USP35: variants seen among roughly 807,000 people sequenced by gnomAD.
The protein encoded by USP35 is ubiquitin specific peptidase 35.
A neutral mutation model predicts 83.8 loss-of-function variants in USP35; 69 were observed. That is an observed-to-expected ratio of 0.82 (90% CI 0.68 to 1.01). The LOEUF (loss-of-function observed/expected upper bound fraction) is 1.01. Among genes scored for constraint, USP35 ranks in the 50% least tolerant of loss-of-function variants. The pLI, the probability that USP35 is intolerant of heterozygous loss-of-function variation, is 0.00. For missense variants in USP35, 1,503 were observed against 1,362.5 expected (o/e 1.10, Z -1.62); for synonymous variants, 714 against 589.5 (o/e 1.21, Z -3.06).
At chr11:78,197,042 G>A (rs1037180639) in intron 2 of USP35, 124 bp downstream of exon 2, 6 of 1,362,870 alleles carry the variant, frequency 4.4e-6, no homozygotes, top group Non-Finnish European at 5.7e-6. Context: ...GCCAGGCGGC[G>A]AATGCTCAGG....
chr11:78,197,070 C>A, intron 2 of USP35, 152 bp downstream of exon 2: 4 of 1,331,990 alleles, frequency 3.0e-6, no homozygotes, highest in Non-Finnish European at 3.9e-6. Flanking sequence ...CTGCAGCCTG[C>A]CTTCATGTAG....
intron 9 of USP35, 130 bp from the exon 10 acceptor site, chr11:78,209,318 G>A: frequency 1.0e-6 from 1 of 972,540 alleles, no homozygotes; most frequent in Non-Finnish European, 1.5e-6. Flanking sequence ...GTGGGTGTTT[G>A]GTGTGTGCAT....
At position 78,197,948 on chromosome 11, in the gene USP35, C is replaced by T; in HGVS notation, c.686C>T (p.Pro229Leu). 1.9e-6 allele frequency: 3 copies of T among 1,614,126 alleles called. No homozygotes were observed. Among genetic ancestry groups the T allele is most frequent in the East Asian group, 2.2e-5 (1 of 44,882 alleles). ...TCCCCTGTTCCAGAGGAGGAGCCAC[C>T]ATCTAGCGCCCTGGCCAGCGTGGTC... ...AVISCAEEEP[P>L]SSALASVVQH... The change falls in exon 3 of 11, where the codon CCA (proline) becomes CTA (leucine). Residue 229 changes from proline (P) to leucine (L), a missense_variant. Coordinates refer to ENST00000529308, the MANE Select transcript of USP35 (RefSeq NM_020798.4).
the USP35 span, among the ~76,000 whole-genome samples, chr11:78,237,102 G>A: frequency 6.6e-6 from 1 of 152,180 alleles, no homozygotes; most frequent in Non-Finnish European, 1.5e-5. Flanking sequence ...TTTTCTGAAA[G>A]ACTGTGGGTA....
chr11:78,196,820 C>A lies in USP35; in HGVS notation c.575C>A (p.Ala192Asp), dbSNP rs566039046. The A allele has an allele frequency of 1.3e-6, 2 of 1,532,524 alleles. No individual in the cohort carries two copies. 94.9% of individuals were successfully genotyped at this position (1,532,524 alleles called of 1,614,324 possible). ...EEGAVEFLEQ[A>D]QQVSGLLAQL... The stretch of plus-strand genomic sequence containing the variant: ...GGCGCCGTGGAGTTCCTAGAGCAGG[C>A]CCAGCAGGTGAGCGGGCTCCTGGCG... The change falls in exon 2 of 11, where the codon GCC becomes GAC. Residue 192 changes from alanine to aspartate, a missense_variant. Coordinates refer to ENST00000529308, the MANE Select transcript of USP35 (RefSeq NM_020798.4). This position sits in a 1 kb window ranked among gnomAD's most constrained non-coding sequence, Gnocchi z 4.8.
Position 78,189,034 on chromosome 11 carries a change from G to C in USP35, c.-134G>C, listed in dbSNP as rs1219271795. On this transcript the variant is annotated 5_prime_UTR_variant, in exon 1 of 11. Coordinates refer to ENST00000529308, the MANE Select transcript of USP35 (RefSeq NM_020798.4). ...CAGCATCTCTTCCGTCTGGGACCTG[G>C]CTGAGGGCGTCCCCACCCTGGGGGG... 10 of 865,784 alleles carry C rather than the reference G, an allele frequency of 1.2e-5. No homozygotes were observed. The highest frequency in any genetic ancestry group is 1.4e-5 in the Non-Finnish European group (10 of 720,834). The allele number at this position is 865,784 out of a possible 1,614,324, so 53.6% of individuals were successfully genotyped here.
chr11:78,229,783 T>C, the USP35 span, among the ~76,000 whole-genome samples: 5,135 of 152,330 alleles, frequency 0.034, 275 homozygotes, highest in African/African-American at 0.12. Context: ...CAGTGTTCCC[T>C]GTGTGCCCCA....
chr11:78,210,545 G>C lies in USP35; in HGVS notation c.2690G>C (p.Arg897Pro). The C allele has an allele frequency of 6.2e-7, 1 of 1,613,098 alleles. No individual in the cohort carries two copies. Among genetic ancestry groups the C allele is most frequent in the Non-Finnish European group, 8.5e-7 (1 of 1,179,116 alleles). Residue 897 changes from arginine (R) to proline (P), a missense_variant, in exon 10 of 11, where the codon CGG becomes CCG. By Grantham distance (103) the Arg-to-Pro change is moderately radical. Transcript: ENST00000529308. ...ENQWYLFNDT[R>P]VSFSSFESVS... ...CAGTGGTACCTGTTCAATGACACTC[G>C]GGTGTCCTTCTCTTCCTTCGAATCT...
chr11:78,196,578 GC>G lies in USP35; in HGVS notation c.336del (p.Glu113ArgfsTer77). 1.6e-6 allele frequency: 2 copies of G among 1,244,750 alleles called. No homozygotes were observed. The highest frequency in any genetic ancestry group is 2.0e-6 in the Non-Finnish European group (2 of 992,558). 77.1% of individuals were successfully genotyped at this position (1,244,750 alleles called of 1,614,324 possible). On this transcript the variant is annotated frameshift_variant, in exon 2 of 11. Coordinates refer to ENST00000529308, the MANE Select transcript of USP35 (RefSeq NM_020798.4). LOFTEE classifies it high-confidence loss of function. The surrounding 1 kb of genome is among the most constrained non-coding windows in gnomAD (Gnocchi z 4.8). ...GCGTGCAGCTGGGTCTGCAGCTGCT[GC>G]CCGAGGGGCCTGCGGCCGACGAGGT... ...ACVQLGLQLL[P>X]EGPAADEVFA... is the part of the protein sequence containing the mutation.
intron 8 of USP35, 100 bp from the exon 9 acceptor site, chr11:78,208,757 G>A: frequency 2.3e-6 from 3 of 1,330,854 alleles, no homozygotes; most frequent in Non-Finnish European, 3.2e-6. Flanking sequence ...GGAAGTTTGA[G>A]GCCGAGGGAA....
the USP35 span, among the ~76,000 whole-genome samples, chr11:78,234,179 C>G: frequency 6.6e-6 from 1 of 152,144 alleles, no homozygotes; most frequent in African/African-American, 2.4e-5. Flanking sequence ...CTCCCCCAGG[C>G]TCAAGTGATC....
intron 3 of USP35, chr11:78,198,522 G>T (rs1863227927): frequency 1.3e-6 from 1 of 757,296 alleles, no homozygotes; most frequent in Non-Finnish European, 1.6e-6. Flanking sequence ...TCCTCCCTGT[G>T]ATCTAGACGC....
At position 78,213,652 on chromosome 11, in the gene USP35, G is replaced by C. The variant is rs527938491; in HGVS notation, c.2896G>C (p.Glu966Gln). ...CTCTCATCTGTGTTCCCAGGAGCAG[G>C]AGAAGGAGGCCCGGAGCAGGGCGGC... ...KDNILYLQEQ[E>Q]KEARSRAAYI... The change falls in exon 11 of 11, where the codon GAG (glutamate) becomes CAG (glutamine). Residue 966 changes from glutamate (E) to glutamine (Q), a missense_variant. Transcript: ENST00000529308. The C allele has an allele frequency of 2.0e-6, 3 of 1,490,782 alleles. No individual in the cohort carries two copies. The African/African-American group carries it at 4.4e-5, about 22-fold the overall frequency. 92.3% of individuals were successfully genotyped at this position (1,490,782 alleles called of 1,614,324 possible).
rs774382572 is a variant in USP35, at chr11:78,210,069, G to A, written c.2214G>A (p.Ala738=). 29 of 1,613,806 alleles carry A rather than the reference G, an allele frequency of 1.8e-5. No homozygotes were observed. Among genetic ancestry groups the A allele is most frequent in the African/African-American group, 6.7e-5 (5 of 74,898 alleles). The change falls in exon 10 of 11, where the codon GCG becomes GCA. Residue 738 remains alanine, a synonymous_variant. Coordinates refer to ENST00000529308, the MANE Select transcript of USP35 (RefSeq NM_020798.4). ...EQEKEEDSLG[A]GTHPDAAIPS... is the part of the protein sequence containing the mutation. ...AAAAGGAAGAAGACAGCCTGGGAGC[G>A]GGGACCCACCCGGATGCTGCCATCC...
the USP35 span, among the ~76,000 whole-genome samples, chr11:78,227,261 T>C: frequency 8.7e-3 from 1,322 of 152,292 alleles, 19 homozygotes; most frequent in African/African-American, 0.03. Flanking sequence ...TGGCAGTTAA[T>C]AGCAGGGGTT....
At chr11:78,218,214 T>G (rs148204477), downstream of USP35, 2 of 154,086 alleles carry the variant, frequency 1.3e-5, no homozygotes, top group African/African-American at 4.8e-5. Context: ...CAGAGTCCCC[T>G]GCACTGCCCT....
At chr11:78,221,706 C>T in the USP35 span, 1 of 1,613,404 alleles carries the variant, frequency 6.2e-7, no homozygotes, top group Non-Finnish European at 8.5e-7. Flanking sequence ...TCGCTGTCTC[C>T]TGAGTCTGTG....
At chr11:78,236,523 C>T in the USP35 span, among the ~76,000 whole-genome samples, 1 of 152,178 alleles carries the variant, frequency 6.6e-6, no homozygotes, top group Non-Finnish European at 1.5e-5. Context: ...GTGGTAAGAA[C>T]AGGTACTTTC....
intron 10 of USP35, among the ~76,000 whole-genome samples, chr11:78,213,167 G>A (rs73509308): frequency 0.031 from 4,731 of 152,324 alleles, 216 homozygotes; most frequent in African/African-American, 0.11. Context: ...GCAGCCCAGG[G>A]AGGGGCCTGA....
Sources: allele counts gnomAD v4.1 joint callset (sites outside exome capture counted in the v4.1 genomes callset), GRCh38; gene constraint gnomAD v4.1.1; non-coding constraint Gnocchi (gnomAD v3.1); transcripts MANE v1.5; gene names NCBI Gene and HGNC (gene_info 2026-07-23, HGNC 2026-07-21).